Variants in ANKFN1 observed in about 807,000 individuals in gnomAD.
ANKFN1 encodes ankyrin repeat and fibronectin type-III domain-containing protein 1.
A neutral mutation model predicts 108.7 loss-of-function variants in ANKFN1; 74 were observed. The observed-to-expected ratio is 0.68, with a 90% CI of 0.56 to 0.83. ANKFN1 has a LOEUF of 0.83. ANKFN1 is among the 40% of genes least tolerant of loss of function. The pLI, the probability that ANKFN1 is intolerant of heterozygous loss-of-function variation, is 0.00. For missense variants in ANKFN1, 1,505 were observed against 1,382.3 expected (o/e 1.09, Z -1.41); for synonymous variants, 547 against 516.2 (o/e 1.06, Z -0.81).
rs766349809 is a variant in ANKFN1 at position 56,514,328 on chromosome 17, C to A, written c.*3059C>A. On this transcript the variant is annotated 3_prime_UTR_variant, in exon 21 of 21. Transcript: ENST00000682825. The stretch of plus-strand genomic sequence containing the variant: ...GGCCACAAGAAGCTCACAATCTGAT[C>A]TAAGAATGTAGCCATACATTCACCA... 2.0e-5 allele frequency among the ~76,000 whole-genome samples: 3 copies of A among 152,208 alleles called. No individual in the cohort carries two copies. Among genetic ancestry groups the A allele is most frequent in the Non-Finnish European group, 4.4e-5 (3 of 68,042 alleles).
chr17:56,489,007 C>A (rs1399245039), intron 18 of ANKFN1, among the ~76,000 whole-genome samples: 1 of 152,060 alleles, frequency 6.6e-6, no homozygotes. Context: ...CATTATAATC[C>A]CTGTGTTAGA....
intron 3 of ANKFN1, among the ~76,000 whole-genome samples, chr17:56,241,758 A>T (rs1447544663): frequency 6.6e-6 from 1 of 152,138 alleles, no homozygotes; most frequent in Non-Finnish European, 1.5e-5. Context: ...AATTAAAACA[A>T]TATGCCACTA....
At chr17:56,375,632 G>A (rs1288455084) in intron 8 of ANKFN1, among the ~76,000 whole-genome samples, 1 of 152,184 alleles carries the variant, frequency 6.6e-6, no homozygotes, top group East Asian at 1.9e-4. Flanking sequence ...AGATTTAGAA[G>A]AAGGAAATGA....
At chr17:56,144,184 A>ATAC (rs1405007617) in intron 4 of ANKFN1, among the ~76,000 whole-genome samples, 5 of 78,276 alleles carry the variant, frequency 6.4e-5, no homozygotes, top group Non-Finnish European at 7.4e-5. Context: ...AAAAAAAAAA[A>ATAC]ACAGCCCAAA....
intron 4 of ANKFN1, among the ~76,000 whole-genome samples, chr17:56,125,357 A>G (rs958337430): frequency 2.6e-5 from 4 of 152,232 alleles, no homozygotes; most frequent in African/African-American, 9.6e-5. Context: ...AATACTTGGT[A>G]TAATGAAGGA....
chr17:56,079,994 A>C (rs1327079997), intron 4 of ANKFN1, among the ~76,000 whole-genome samples: 2 of 152,240 alleles, frequency 1.3e-5, no homozygotes, highest in African/African-American at 2.4e-5. Flanking sequence ...CAAGTCACAA[A>C]AGCGGAGAGA....
At chr17:56,121,533 C>G (rs1050569948) in intron 4 of ANKFN1, among the ~76,000 whole-genome samples, 3 of 151,676 alleles carry the variant, frequency 2.0e-5, no homozygotes, top group Non-Finnish European at 2.9e-5. Flanking sequence ...GACTTTTGCT[C>G]TCTTGTGTGT....
chr17:56,303,932 G>A (rs139875799), intron 3 of ANKFN1, among the ~76,000 whole-genome samples: 308 of 148,864 alleles, frequency 2.1e-3, no homozygotes, highest in African/African-American at 7.3e-3. Context: ...TCCTGACCTC[G>A]TGATCCGTCC....
intron 2 of ANKFN1, among the ~76,000 whole-genome samples, chr17:56,225,924 T>C (rs959753543): frequency 2.0e-5 from 3 of 152,228 alleles, no homozygotes; most frequent in Non-Finnish European, 4.4e-5. Flanking sequence ...AATGAATCTG[T>C]GAAGTAATAG....
At chr17:56,340,861 A>T (rs895364078) in intron 4 of ANKFN1, among the ~76,000 whole-genome samples, 1 of 152,030 alleles carries the variant, frequency 6.6e-6, no homozygotes, top group African/African-American at 2.4e-5. Context: ...GTAGTTTAAT[A>T]GGAGTAGCAT....
At chr17:56,416,697 G>T (rs372729981) in intron 8 of ANKFN1, among the ~76,000 whole-genome samples, 1 of 152,118 alleles carries the variant, frequency 6.6e-6, no homozygotes, top group Non-Finnish European at 1.5e-5. Context: ...CGGCGATCCC[G>T]CTGCTAGATA....
intron 2 of ANKFN1, among the ~76,000 whole-genome samples, chr17:56,213,480 A>G (rs1206280266): frequency 1.3e-5 from 2 of 152,210 alleles, no homozygotes; most frequent in Non-Finnish European, 2.9e-5. Context: ...TTCTCACTTC[A>G]CATCCCTCAT....
chr17:56,115,101 T>C (rs1567790875), intron 4 of ANKFN1, among the ~76,000 whole-genome samples: 1 of 152,238 alleles, frequency 6.6e-6, no homozygotes, highest in Non-Finnish European at 1.5e-5. Context: ...AAGTTTGTGG[T>C]AATTTATTAC....
intron 1 of ANKFN1, among the ~76,000 whole-genome samples, chr17:56,162,737 G>A (rs1053863021): frequency 2.6e-5 from 4 of 152,140 alleles, no homozygotes; most frequent in Non-Finnish European, 4.4e-5. Flanking sequence ...AACACTTTTA[G>A]TAAAAATGGA....
At chr17:56,459,377 C>T (rs2049827772) in intron 14 of ANKFN1, among the ~76,000 whole-genome samples, 1 of 152,166 alleles carries the variant, frequency 6.6e-6, no homozygotes. Flanking sequence ...TCCCAAAGTG[C>T]TGGGAGTACA....
chr17:56,485,029 A>G (rs574142387), intron 18 of ANKFN1, among the ~76,000 whole-genome samples: 7 of 152,246 alleles, frequency 4.6e-5, no homozygotes, highest in Admixed American at 1.3e-4. Flanking sequence ...ATTTTTCTTC[A>G]TTCTATAATT....
At position 56,053,698 on chromosome 17, in the gene ANKFN1, T is replaced by C. The variant is rs9910833; in HGVS notation, c.288+7373T>C. On this transcript the variant is annotated intron_variant, in intron 4 of 12. Coordinates refer to the ANKFN1 transcript ENST00000635860. ...TGGGATTGTTGGATTTTATGGTAGC[T>C]GTATTTTTAGTTTTTTTTGAGGAAA... is the stretch of plus-strand genomic sequence containing the variant. 4.1e-3 allele frequency among the ~76,000 whole-genome samples: 625 copies of C among 152,278 alleles called. 4 individuals carry two copies. The highest frequency in any genetic ancestry group is 0.014 in the African/African-American group (599 of 41,542).
At chr17:56,385,043 G>A (rs953371318) in intron 8 of ANKFN1, among the ~76,000 whole-genome samples, 3 of 151,584 alleles carry the variant, frequency 2.0e-5, no homozygotes, top group Admixed American at 6.6e-5. Flanking sequence ...CAAAGCTGGA[G>A]GCATCACGCT....
chr17:56,515,742 A>T lies in ANKFN1; in HGVS notation c.*4473A>T, dbSNP rs900165061. On this transcript the variant is annotated 3_prime_UTR_variant, in exon 21 of 21. Transcript: ENST00000682825. ...CTGTTTATGAAGCACTGATTTTGCC[A>T]TATTTCGGGTCTCTGCTTTTTCCAC... Among the ~76,000 whole-genome samples the T allele has an allele frequency of 6.6e-6, 1 of 152,210 alleles. No individual in the cohort carries two copies. The highest frequency in any genetic ancestry group is 2.4e-5 in the African/African-American group (1 of 41,450).
Sources: allele counts gnomAD v4.1 joint callset (sites outside exome capture counted in the v4.1 genomes callset), GRCh38; gene constraint gnomAD v4.1.1; transcripts MANE v1.5; gene names NCBI Gene and HGNC (gene_info 2026-07-23, HGNC 2026-07-21).